The following ENPP6 variants were observed in gnomAD, a reference collection of about 807,000 sequenced individuals.
The protein encoded by ENPP6 is ectonucleotide pyrophosphatase/phosphodiesterase 6.
Under a neutral mutation model 42.0 loss-of-function variants are expected in ENPP6, and 32 were observed. That is an observed-to-expected ratio of 0.76 (90% confidence interval 0.58 to 1.02). The LOEUF (loss-of-function observed/expected upper bound fraction) is 1.02, where lower values mean the gene tolerates loss of function less well. Among genes scored for constraint, ENPP6 ranks in the 50% least tolerant of loss-of-function variants. The probability of loss-of-function intolerance (pLI) is 0.00; values close to 1 mark genes in which losing one functional copy is unlikely to be tolerated. For missense variants in ENPP6, 552 were observed against 566.8 expected (o/e 0.97, Z 0.27); for synonymous variants, 213 against 216.0 (o/e 0.99, Z 0.12).
intron 2 of ENPP6, among the ~76,000 whole-genome samples, chr4:184,137,709 T>C (rs761628329): frequency 4.6e-5 from 7 of 152,228 alleles, no homozygotes; most frequent in African/African-American, 7.2e-5. Flanking sequence ...GCTAGGGTGT[T>C]GCTTTTTACT....
intron 2 of ENPP6, among the ~76,000 whole-genome samples, chr4:184,125,712 C>T (rs886208411): frequency 1.3e-5 from 2 of 152,086 alleles, no homozygotes; most frequent in African/African-American, 4.8e-5. Context: ...AGGGCTCCTA[C>T]AATCACTGTG....
intron 1 of ENPP6, among the ~76,000 whole-genome samples, chr4:184,205,975 A>G (rs1732989258): frequency 6.6e-6 from 1 of 152,152 alleles, no homozygotes; most frequent in African/African-American, 2.4e-5. Flanking sequence ...TAAGGCTGGG[A>G]ATGACCAGGA....
intron 1 of ENPP6, among the ~76,000 whole-genome samples, chr4:184,156,682 T>C (rs182048240): frequency 4.6e-5 from 7 of 152,342 alleles, no homozygotes; most frequent in Admixed American, 1.3e-4. Context: ...TCCAAATGAC[T>C]ACTCTGGGGG....
intron 3 of ENPP6, among the ~76,000 whole-genome samples, chr4:184,119,330 T>A (rs1179904054): frequency 1.8e-5 from 1 of 55,506 alleles, no homozygotes; most frequent in Non-Finnish European, 3.9e-5. Context: ...TGTGTGTGTG[T>A]GTGTGTGTGT....
chr4:184,153,633 A>C lies in ENPP6; in HGVS notation c.342T>G (p.Pro114=). ...DIGVNKDSLM[P]LWWNGSEPLW... ...GAGGTTCTGATCCATTCCACCAGAG[A>C]GGCATTAGGCTGTCTTTGTTGACGC... Residue 114 remains proline, a synonymous_variant, in exon 2 of 8, where the codon CCT becomes CCG. Transcript: ENST00000296741. 9 of 1,614,108 alleles carry C rather than the reference A, an allele frequency of 5.6e-6. No homozygotes were observed. Among genetic ancestry groups the C allele is most frequent in the Non-Finnish European group, 7.6e-6 (9 of 1,180,018 alleles).
chr4:184,124,627 C>T (rs1434285271), intron 2 of ENPP6, among the ~76,000 whole-genome samples: 1 of 152,146 alleles, frequency 6.6e-6, no homozygotes, highest in Non-Finnish European at 1.5e-5. Flanking sequence ...CTAAGTCTTT[C>T]ATGAAAACAA....
intron 2 of ENPP6, among the ~76,000 whole-genome samples, chr4:184,150,253 G>A (rs984895717): frequency 9.9e-5 from 15 of 152,080 alleles, no homozygotes; most frequent in Non-Finnish European, 1.8e-4. Flanking sequence ...TTCACTGTGG[G>A]TCAATTTTTC....
intron 1 of ENPP6, among the ~76,000 whole-genome samples, chr4:184,176,327 A>G (rs542110823): frequency 6.6e-5 from 10 of 152,202 alleles, no homozygotes; most frequent in Non-Finnish European, 1.3e-4. Flanking sequence ...CATTGCCAAC[A>G]TTATTTGCTT....
At chr4:184,167,007 C>T (rs534093852) in intron 1 of ENPP6, among the ~76,000 whole-genome samples, 3 of 152,236 alleles carry the variant, frequency 2.0e-5, no homozygotes, top group African/African-American at 7.2e-5. Context: ...ATGCCATGGG[C>T]AGAGACACTG....
At chr4:184,131,831 A>ATG (rs1183561562) in intron 2 of ENPP6, among the ~76,000 whole-genome samples, 3 of 144,886 alleles carry the variant, frequency 2.1e-5, no homozygotes, top group Non-Finnish European at 4.6e-5. Context: ...ACACATATAT[A>ATG]TATATATAAA....
chr4:184,136,801 G>A (rs1736736473), intron 2 of ENPP6, among the ~76,000 whole-genome samples: 3 of 152,158 alleles, frequency 2.0e-5, no homozygotes, highest in African/African-American at 7.2e-5. Flanking sequence ...TGAAATCCAT[G>A]ATGCTCTTTC....
chr4:184,124,338 T>C (rs1736466314), intron 2 of ENPP6, 66 bp from the exon 3 acceptor site: 2 of 1,214,830 alleles, frequency 1.6e-6, no homozygotes, highest in Non-Finnish European at 1.2e-6. Flanking sequence ...ATGAGCCTAT[T>C]TCAGGAAGCA....
chr4:184,127,409 A>C (rs1736522027), intron 2 of ENPP6, among the ~76,000 whole-genome samples: 1 of 152,206 alleles, frequency 6.6e-6, no homozygotes, highest in South Asian at 2.1e-4. Flanking sequence ...AAAACAGTTA[A>C]GACAAGTAAA....
At chr4:184,187,281 AG>A (rs1732647921) in intron 1 of ENPP6, among the ~76,000 whole-genome samples, 1 of 152,238 alleles carries the variant, frequency 6.6e-6, no homozygotes, top group Non-Finnish European at 1.5e-5. Context: ...GTCATTGGTC[AG>A]GGTCAGCTTG....
rs981719232 is a variant in ENPP6 at position 184,184,766 on chromosome 4, C to T, written c.242-31033G>A. ...AAAAGGCCAAGGAATTCTGGCGGCA[C>T]CAGCAGCTGGAGGACAGTCATAGAA... is the stretch of plus-strand genomic sequence containing the variant. On this transcript the variant is annotated intron_variant, in intron 1 of 7. Transcript: ENST00000296741. The surrounding 1 kb of genome is among the most constrained non-coding windows in gnomAD (Gnocchi z 4.7). Among the ~76,000 whole-genome samples, 1 of 152,102 alleles carries T rather than the reference C, an allele frequency of 6.6e-6. No homozygotes were observed. Among genetic ancestry groups the T allele is most frequent in the Non-Finnish European group, 1.5e-5 (1 of 68,014 alleles).
In ENPP6 at chr4:184,185,067, G is replaced by A. The variant is rs566744247; in HGVS notation, c.242-31334C>T. Among the ~76,000 whole-genome samples, 11 of 152,306 alleles carry A rather than the reference G, an allele frequency of 7.2e-5. No individual in the cohort carries two copies. The East Asian group carries it at 2.1e-3, about 29-fold the overall frequency. ...AAAGAATTTTCTGAACCGATGAATT[G>A]TATGAATCCTGAGATAAGTAAATAT... On this transcript the variant is annotated intron_variant, in intron 1 of 7. Transcript: ENST00000296741.
intron 3 of ENPP6, among the ~76,000 whole-genome samples, chr4:184,122,887 C>T (rs1159214471): frequency 6.6e-6 from 1 of 152,166 alleles, no homozygotes; most frequent in African/African-American, 2.4e-5. Flanking sequence ...AAGTGCCAGC[C>T]CCACTCATCT....
chr4:184,177,641 T>G (rs567283224), intron 1 of ENPP6, among the ~76,000 whole-genome samples: 1 of 152,304 alleles, frequency 6.6e-6, no homozygotes. Flanking sequence ...CTCTCTGGGA[T>G]GGAGCTCCCA....
At chr4:184,148,163 T>C (rs1456176387) in intron 2 of ENPP6, among the ~76,000 whole-genome samples, 1 of 152,216 alleles carries the variant, frequency 6.6e-6, no homozygotes, top group Non-Finnish European at 1.5e-5. Flanking sequence ...TGGTAAGTTC[T>C]CGGGAGGGGG....
Sources: allele counts gnomAD v4.1 joint callset (sites outside exome capture counted in the v4.1 genomes callset), GRCh38; gene constraint gnomAD v4.1.1; non-coding constraint Gnocchi (gnomAD v3.1); transcripts MANE v1.5; gene names NCBI Gene and HGNC (gene_info 2026-07-23, HGNC 2026-07-21).